Variants in SIN3A observed in about 807,000 individuals in gnomAD.
The protein encoded by SIN3A is paired amphipathic helix protein Sin3a.
A neutral mutation model predicts 146.1 loss-of-function variants in SIN3A; 14 were observed. The ratio of observed to expected loss-of-function variants is 0.10; its 90% CI spans 0.06 to 0.15. The LOEUF (loss-of-function observed/expected upper bound fraction) is 0.15, where lower values mean the gene tolerates loss of function less well. Ranked by LOEUF, SIN3A falls within the 10% of genes least tolerant of loss-of-function variation. The pLI is 1.00. For missense variants in SIN3A, 1,028 were observed against 1,576.0 expected, an observed-to-expected ratio of 0.65 and a Z score of 5.89; for synonymous variants, 572 against 572.0, an observed-to-expected ratio of 1.00 and a Z score of 0.00.
chr15:75,403,228 G>C (rs564654660), intron 9 of SIN3A, among the ~76,000 whole-genome samples: 1 of 151,802 alleles, frequency 6.6e-6, no homozygotes, highest in South Asian at 2.1e-4. Flanking sequence ...TTTGAGACCA[G>C]CCTGGCCAAC....
intron 1 of SIN3A, among the ~76,000 whole-genome samples, chr15:75,443,902 C>A (rs2074260033): frequency 6.6e-6 from 1 of 152,140 alleles, no homozygotes; most frequent in Non-Finnish European, 1.5e-5. Context: ...CAAAGCGAGG[C>A]CCCATCTCTA....
upstream of SIN3A, among the ~76,000 whole-genome samples, chr15:75,454,484 C>CGCCCG (rs2074458949): frequency 6.6e-6 from 1 of 151,232 alleles, no homozygotes; most frequent in African/African-American, 2.4e-5. Flanking sequence ...GGCGTCGCCC[C>CGCCCG]GCCCGGCCGG....
intron 12 of SIN3A, among the ~76,000 whole-genome samples, chr15:75,397,708 T>TA (rs777829828): frequency 6.6e-6 from 1 of 152,296 alleles, no homozygotes; most frequent in African/African-American, 2.4e-5. Context: ...CACCAAATCT[T>TA]AAACACATGC....
chr15:75,384,661 A>G (rs2073046503), intron 16 of SIN3A, among the ~76,000 whole-genome samples: 2 of 152,186 alleles, frequency 1.3e-5, no homozygotes, highest in Non-Finnish European at 2.9e-5. Context: ...GGTCCATGGT[A>G]AAACTTTCCT....
chr15:75,394,946 TAAAG>T, intron 13 of SIN3A, 83 bp from the exon 14 acceptor site: 1 of 1,316,104 alleles, frequency 7.6e-7, no homozygotes, highest in Middle Eastern at 2.5e-4. Flanking sequence ...TTACTTTAGT[TAAAG>T]AAAGGTGCAA....
At chr15:75,384,166 C>G (rs533285692) in intron 17 of SIN3A, 98 bp downstream of exon 17, 1 of 928,688 alleles carries the variant, frequency 1.1e-6, no homozygotes, top group African/African-American at 1.7e-5. Flanking sequence ...GGAGTAGAAT[C>G]ACAGGTCAAA....
At chr15:75,392,148 T>TG (rs1228046688) in intron 15 of SIN3A, 94 bp downstream of exon 15, 2 of 1,080,480 alleles carry the variant, frequency 1.9e-6, no homozygotes, top group African/African-American at 3.2e-5. Flanking sequence ...CTAATGCCTG[T>TG]GCTCTATTAA....
chr15:75,430,107 G>A, intron 2 of SIN3A, 80 bp downstream of exon 2: 2 of 1,038,548 alleles, frequency 1.9e-6, no homozygotes, highest in South Asian at 2.9e-5. Flanking sequence ...ATCTAACACA[G>A]TATTAAAAAA....
intron 3 of SIN3A, among the ~76,000 whole-genome samples, chr15:75,416,873 G>A (rs2073747335): frequency 6.6e-6 from 1 of 152,150 alleles, no homozygotes; most frequent in South Asian, 2.1e-4. Flanking sequence ...TCTAGACTGT[G>A]GATCTTCAGA....
chr15:75,443,652 T>C (rs958665132), intron 1 of SIN3A: 1 of 152,194 alleles, frequency 6.6e-6, no homozygotes, highest in Non-Finnish European at 1.5e-5. Context: ...GAGGCGAAGG[T>C]TGCAGTGAAC....
chr15:75,434,402 C>A (rs569053812), intron 1 of SIN3A, among the ~76,000 whole-genome samples: 1 of 152,154 alleles, frequency 6.6e-6, no homozygotes, highest in Non-Finnish European at 1.5e-5. Context: ...GTAATCCCAG[C>A]GCTTTGGGAG....
At chr15:75,380,475 G>T (rs1158651756) in intron 19 of SIN3A, among the ~76,000 whole-genome samples, 154 bp downstream of exon 19, 3 of 152,178 alleles carry the variant, frequency 2.0e-5, no homozygotes, top group African/African-American at 7.2e-5. Context: ...GTAAGCTCAT[G>T]TTGTGACAGC....
chr15:75,429,445 AG>A (rs1337070067), intron 2 of SIN3A, among the ~76,000 whole-genome samples: 1 of 152,236 alleles, frequency 6.6e-6, no homozygotes, highest in Non-Finnish European at 1.5e-5. Context: ...AAAGGAAAAA[AG>A]TTATACATGT....
chr15:75,420,816 T>C (rs2073829652), intron 3 of SIN3A: 1 of 152,224 alleles, frequency 6.6e-6, no homozygotes, highest in Admixed American at 6.5e-5. Context: ...ACAAGAAGCA[T>C]TTTACCTCTC....
chr15:75,406,213 C>A (rs1025669598), intron 9 of SIN3A, among the ~76,000 whole-genome samples: 1 of 152,148 alleles, frequency 6.6e-6, no homozygotes, highest in African/African-American at 2.4e-5. Context: ...CTCCGAGGAG[C>A]AAATCACACT....
In SIN3A at chr15:75,430,323, C is replaced by A; in HGVS notation, c.53G>T (p.Arg18Leu). 1 of 1,614,138 alleles carries A rather than the reference C, an allele frequency of 6.2e-7. No homozygotes were observed. Among genetic ancestry groups the A allele is most frequent in the South Asian group, 1.1e-5 (1 of 91,082 alleles). The stretch of plus-strand genomic sequence containing the variant: ...AGCCTCTGTGCTGCCAGGGATCCGA[C>A]GCTGCTGGGCTGCATACACCGGTGA... Reference protein sequence around the residue: ...QESPVYAAQQRRIPGSTEAFP... With the variant: ...QESPVYAAQQLRIPGSTEAFP... The change falls in exon 2 of 21, where the codon CGT (arginine) becomes CTT (leucine). Residue 18 changes from arginine to leucine, a missense_variant. Physicochemically the swap from Arg to Leu is moderately radical, Grantham distance 102. Around this residue, in one of 9 missense-constraint regions of SIN3A, gnomAD observed 152 missense variants for 231.5 expected, o/e 0.66. Transcript: ENST00000394947.
intron 9 of SIN3A, 50 bp from the exon 10 acceptor site, chr15:75,402,020 G>A (rs908231847): frequency 8.0e-7 from 1 of 1,257,212 alleles, no homozygotes; most frequent in African/African-American, 1.5e-5. Context: ...CTTAAAGTGG[G>A]GAACTGAAAA....
intron 3 of SIN3A, among the ~76,000 whole-genome samples, chr15:75,417,923 AGT>A (rs2073770698): frequency 1.3e-5 from 2 of 152,242 alleles, no homozygotes; most frequent in African/African-American, 4.8e-5. Context: ...TCTCCCTTCC[AGT>A]GTAAGGACAC....
chr15:75,452,699 A>G (rs2074429957), upstream of SIN3A, among the ~76,000 whole-genome samples: 1 of 152,228 alleles, frequency 6.6e-6, no homozygotes, highest in Non-Finnish European at 1.5e-5. Flanking sequence ...CGGAAGGCGG[A>G]GCGTGAGGCA....
Sources: allele counts gnomAD v4.1 joint callset (sites outside exome capture counted in the v4.1 genomes callset), GRCh38; gene constraint gnomAD v4.1.1; regional missense constraint gnomAD v4.1.1; transcripts MANE v1.5; gene names NCBI Gene and HGNC (gene_info 2026-07-23, HGNC 2026-07-21).